The following ORC2 variants were observed in gnomAD, a reference collection of about 807,000 sequenced individuals.
ORC2 encodes the protein origin recognition complex protein 2 homolog.
In ORC2, 37 loss-of-function variants were observed where a neutral mutation model predicts 77.7. The ratio of observed to expected loss-of-function variants is 0.48; its 90% CI spans 0.37 to 0.63. ORC2 has a LOEUF of 0.63. Ranked by LOEUF, ORC2 falls within the 20% of genes least tolerant of loss-of-function variation. The pLI, the probability that ORC2 is intolerant of heterozygous loss-of-function variation, is 0.00. For synonymous variants in ORC2, 201 were observed against 229.5 expected, an observed-to-expected ratio of 0.88 and a Z score of 1.12; for missense variants, 557 against 661.9, an observed-to-expected ratio of 0.84 and a Z score of 1.74.
Position 200,926,782 on chromosome 2 carries a change from T to C in ORC2, c.1036A>G (p.Ile346Val), listed in dbSNP as rs565666359. 9 of 1,614,026 alleles carry C rather than the reference T, an allele frequency of 5.6e-6. No homozygotes were observed. In the East Asian group the frequency reaches 6.7e-5, roughly 12 times the overall value. ...HVVINGFFPG[I>V]SVKSVLNSIT... ...TTGAAACTTACTGATTTCACACTGA[T>C]TCCAGGAAAGAAGCCATTGATGACA... Residue 346 changes from isoleucine to valine, a missense_variant, in exon 12 of 18, where the codon ATC becomes GTC. Physicochemically the swap from Ile to Val is conservative, Grantham distance 29 (BLOSUM62 3). Transcript: ENST00000234296.
At chr2:200,920,188 G>C (rs1356285510) in intron 15 of ORC2, 34 bp downstream of exon 15, 2 of 1,558,884 alleles carry the variant, frequency 1.3e-6, no homozygotes, top group Non-Finnish European at 1.8e-6. Flanking sequence ...AAAATGTATA[G>C]TTTTTAAAAA....
At chr2:200,914,484 A>G (rs967375801) in intron 15 of ORC2, among the ~76,000 whole-genome samples, 1 of 152,020 alleles carries the variant, frequency 6.6e-6, no homozygotes, top group Non-Finnish European at 1.5e-5. Flanking sequence ...TATTTCTTCT[A>G]AAGAAAAATA....
At chr2:200,937,526 T>C (rs2041069759) in intron 8 of ORC2, among the ~76,000 whole-genome samples, 2 of 152,172 alleles carry the variant, frequency 1.3e-5, no homozygotes, top group South Asian at 4.1e-4. Context: ...TGCCTCAAAG[T>C]TCAATATTCA....
intron 5 of ORC2, among the ~76,000 whole-genome samples, chr2:200,944,712 T>C (rs1357050104): frequency 6.6e-6 from 1 of 152,192 alleles, no homozygotes; most frequent in African/African-American, 2.4e-5. Flanking sequence ...AGCTAATTTT[T>C]AAATTTTTGT....
At chr2:200,930,320 A>G (rs2040917045) in intron 11 of ORC2, among the ~76,000 whole-genome samples, 2 of 152,168 alleles carry the variant, frequency 1.3e-5, no homozygotes, top group African/African-American at 2.4e-5. Flanking sequence ...TGCTGACTAT[A>G]AGGTCTAATC....
intron 13 of ORC2, among the ~76,000 whole-genome samples, chr2:200,922,278 G>C (rs2040773847): frequency 6.6e-6 from 1 of 150,876 alleles, no homozygotes; most frequent in Non-Finnish European, 1.5e-5. Context: ...CAAGATAAAG[G>C]ATGAGCCAAG....
intron 15 of ORC2, 57 bp from the exon 16 acceptor site, chr2:200,914,049 CAACT>C (rs2040597268): frequency 9.6e-7 from 1 of 1,042,942 alleles, no homozygotes; most frequent in East Asian, 2.5e-5. Context: ...CAAAAGGTAA[CAACT>C]AATAGTAAAA....
At chr2:200,942,579 AAAG>A in intron 6 of ORC2, 103 bp downstream of exon 6, 1 of 544,102 alleles carries the variant, frequency 1.8e-6, no homozygotes, top group Non-Finnish European at 3.1e-6. Flanking sequence ...AATTTTCAGA[AAAG>A]AAGAAAATAT....
chr2:200,950,264 G>A (rs961562435), intron 4 of ORC2, among the ~76,000 whole-genome samples: 2 of 152,200 alleles, frequency 1.3e-5, no homozygotes, highest in Non-Finnish European at 2.9e-5. Context: ...CTGGGAGGCA[G>A]AGGTTGCGGT....
chr2:200,944,795 C>G (rs1030110216), intron 5 of ORC2, among the ~76,000 whole-genome samples: 2 of 152,218 alleles, frequency 1.3e-5, no homozygotes, highest in Non-Finnish European at 2.9e-5. Context: ...CCGCCTCGGC[C>G]TCTCAAAGTG....
In ORC2 at chr2:200,913,295, C is replaced by A; in HGVS notation, c.1647G>T (p.Lys549Asn). Residue 549 changes from lysine (K) to asparagine (N), a missense_variant and splice_region_variant, in exon 17 of 18, where the codon AAG (lysine) becomes AAT (asparagine). Coordinates refer to ENST00000234296, the MANE Select transcript of ORC2 (RefSeq NM_006190.5). ...CAATGCTACAATAGTGGAGTCTTAC[C>A]TTCTTTGTTCTTATAAGCTTGTGGT... ...FRDHKLIRTKKGTDGVEYLLI... is the reference protein window; with the variant it reads ...FRDHKLIRTKNGTDGVEYLLI... 1.3e-6 allele frequency: 2 copies of A among 1,589,214 alleles called. No homozygotes were observed. Among genetic ancestry groups the A allele is most frequent in the South Asian group, 2.2e-5 (2 of 90,402 alleles).
chr2:200,954,706 A>G (rs2041433151), intron 4 of ORC2, among the ~76,000 whole-genome samples: 2 of 152,176 alleles, frequency 1.3e-5, no homozygotes, highest in African/African-American at 2.4e-5. Flanking sequence ...GTGGCCCTCC[A>G]AAGCGTCACA....
intron 12 of ORC2, 109 bp downstream of exon 12, chr2:200,926,659 T>C: frequency 2.0e-6 from 2 of 1,014,890 alleles, no homozygotes; most frequent in Non-Finnish European, 3.0e-6. Context: ...ACAATCCTAC[T>C]ACCGTGAAGG....
chr2:200,930,178 C>T (rs916372604), intron 11 of ORC2, among the ~76,000 whole-genome samples: 1 of 151,866 alleles, frequency 6.6e-6, no homozygotes, highest in African/African-American at 2.4e-5. Context: ...ATGTGATGCT[C>T]TCTGGCAATG....
At chr2:200,925,965 A>G in intron 12 of ORC2, 33 bp from the exon 13 acceptor site, 1 of 941,024 alleles carries the variant, frequency 1.1e-6, no homozygotes, top group South Asian at 1.6e-5. Flanking sequence ...GTACCACATT[A>G]ATTACAATTT....
chr2:200,958,325 G>A (rs2041511464), intron 2 of ORC2, among the ~76,000 whole-genome samples, 192 bp from the exon 3 acceptor site: 1 of 152,040 alleles, frequency 6.6e-6, no homozygotes, highest in Non-Finnish European at 1.5e-5. Context: ...CTAAAAAATT[G>A]GGGAGGCAAA....
intron 10 of ORC2, among the ~76,000 whole-genome samples, chr2:200,933,012 T>G (rs759046459): frequency 1.3e-5 from 2 of 152,176 alleles, no homozygotes; most frequent in African/African-American, 4.8e-5. Flanking sequence ...CTCCTAGAGA[T>G]CTTTTTGCCT....
At chr2:200,923,630 G>A (rs2040794303) in intron 13 of ORC2, among the ~76,000 whole-genome samples, 1 of 152,128 alleles carries the variant, frequency 6.6e-6, no homozygotes, top group Admixed American at 6.5e-5. Context: ...ACTCATAACT[G>A]AAGGAAGTTT....
At chr2:200,958,329 A>T (rs2041511544) in intron 2 of ORC2, among the ~76,000 whole-genome samples, 196 bp from the exon 3 acceptor site, 1 of 152,186 alleles carries the variant, frequency 6.6e-6, no homozygotes, top group Non-Finnish European at 1.5e-5. Context: ...AAAATTGGGG[A>T]GGCAAAGAGA....
Sources: allele counts gnomAD v4.1 joint callset (sites outside exome capture counted in the v4.1 genomes callset), GRCh38; gene constraint gnomAD v4.1.1; transcripts MANE v1.5; gene names NCBI Gene and HGNC (gene_info 2026-07-23, HGNC 2026-07-21).